TMEM131L: variants seen among roughly 807,000 people sequenced by gnomAD.
The protein encoded by TMEM131L is transmembrane 131 like.
A neutral mutation model predicts 192.2 loss-of-function variants in TMEM131L; 54 were observed. The observed-to-expected ratio is 0.28, with a 90% CI of 0.23 to 0.35. The LOEUF (loss-of-function observed/expected upper bound fraction) is 0.35, where lower values mean the gene tolerates loss of function less well. Ranked by LOEUF, TMEM131L falls within the 10% of genes least tolerant of loss-of-function variation. The probability of loss-of-function intolerance (pLI) is 1.00; values close to 1 mark genes in which losing one functional copy is unlikely to be tolerated. For missense variants in TMEM131L, 1,888 were observed against 1,972.9 expected (o/e 0.96, Z 0.82); for synonymous variants, 701 against 704.9 (o/e 0.99, Z 0.09).
At chr4:153,615,656 G>T (rs530383252) in intron 26 of TMEM131L, among the ~76,000 whole-genome samples, 74 of 152,312 alleles carry the variant, frequency 4.9e-4, no homozygotes, top group African/African-American at 1.8e-3. Flanking sequence ...ACATCCTTTT[G>T]ATATGGGCTT....
chr4:153,525,324 A>G (rs1193471821), intron 3 of TMEM131L, among the ~76,000 whole-genome samples: 2 of 152,170 alleles, frequency 1.3e-5, no homozygotes, highest in African/African-American at 4.8e-5. Flanking sequence ...CAGCCTCATA[A>G]GTAAATCCTT....
chr4:153,466,720 C>T (rs1439249209), intron 1 of TMEM131L, among the ~76,000 whole-genome samples, 199 bp downstream of exon 1: 1 of 152,180 alleles, frequency 6.6e-6, no homozygotes, highest in East Asian at 1.9e-4. Context: ...CCCCGTACAG[C>T]TGGAGAGCGG....
At chr4:153,600,499 A>G (rs550801769) in intron 21 of TMEM131L, among the ~76,000 whole-genome samples, 8 of 152,360 alleles carry the variant, frequency 5.3e-5, no homozygotes, top group African/African-American at 1.9e-4. Context: ...AAATACATTA[A>G]CATGTTGCAC....
intron 7 of TMEM131L, among the ~76,000 whole-genome samples, chr4:153,579,211 A>T (rs1048014125): frequency 1.1e-4 from 17 of 151,734 alleles, no homozygotes; most frequent in Non-Finnish European, 2.1e-4. Context: ...AAATACACAA[A>T]TTAGCCATGT....
chr4:153,487,327 G>A (rs1732410424), intron 3 of TMEM131L, among the ~76,000 whole-genome samples: 1 of 152,144 alleles, frequency 6.6e-6, no homozygotes, highest in African/African-American at 2.4e-5. Context: ...GAATCCGTAC[G>A]TATTCTCTTC....
chr4:153,554,677 G>C (rs756402260), intron 4 of TMEM131L, among the ~76,000 whole-genome samples: 1 of 152,008 alleles, frequency 6.6e-6, no homozygotes, highest in South Asian at 2.1e-4. Context: ...TTATTTCTAG[G>C]CCATCCGAAT....
intron 7 of TMEM131L, among the ~76,000 whole-genome samples, chr4:153,576,074 C>T (rs1177801146): frequency 2.0e-5 from 3 of 152,108 alleles, no homozygotes; most frequent in Admixed American, 1.3e-4. Flanking sequence ...ATTCTCCTGC[C>T]TCAGCCTCCC....
chr4:153,632,871 T>C, intron 32 of TMEM131L, 33 bp downstream of exon 32: 1 of 1,613,446 alleles, frequency 6.2e-7, no homozygotes, highest in Non-Finnish European at 8.5e-7. Flanking sequence ...GGTGCCTTGC[T>C]TAGTCTAAGG....
intron 33 of TMEM131L, among the ~76,000 whole-genome samples, chr4:153,634,643 C>T (rs1734448909): frequency 6.6e-6 from 1 of 152,198 alleles, no homozygotes; most frequent in South Asian, 2.1e-4. Flanking sequence ...AGTCAAGTCC[C>T]ATGTGAAATA....
intron 7 of TMEM131L, among the ~76,000 whole-genome samples, chr4:153,572,876 T>G (rs1485724609): frequency 6.6e-6 from 1 of 152,196 alleles, no homozygotes; most frequent in Non-Finnish European, 1.5e-5. Flanking sequence ...GCCACCATTA[T>G]TCTCCCTGGC....
intron 7 of TMEM131L, among the ~76,000 whole-genome samples, chr4:153,563,907 C>T (rs948099718): frequency 7.9e-5 from 12 of 152,122 alleles, no homozygotes; most frequent in Non-Finnish European, 1.3e-4. Flanking sequence ...GAGTTGAATC[C>T]TCAATGCAAT....
intron 21 of TMEM131L, among the ~76,000 whole-genome samples, chr4:153,599,401 TC>T (rs1239427508): frequency 6.6e-6 from 1 of 152,028 alleles, no homozygotes; most frequent in Non-Finnish European, 1.5e-5. Flanking sequence ...AGGACGCAGA[TC>T]CAAACCATAT....
intron 8 of TMEM131L, 26 bp from the exon 9 acceptor site, chr4:153,581,381 T>G: frequency 1.3e-6 from 2 of 1,489,784 alleles, no homozygotes. Flanking sequence ...TTTTTTTTCC[T>G]TTTTTCCTCC....
At position 153,580,667 on chromosome 4, in the gene TMEM131L, A is replaced by G. The variant is rs1049397911; in HGVS notation, c.661-159A>G. Reference sequence around the variant, plus strand: ...TTCTCTGTTTAGCTTACTGTTGTGTATCCACTAAAAAGAATAATGCCCAGC... The same window carrying G: ...TTCTCTGTTTAGCTTACTGTTGTGTGTCCACTAAAAAGAATAATGCCCAGC... On this transcript the variant is annotated intron_variant, in intron 7 of 34. Coordinates refer to ENST00000409959, the MANE Select transcript of TMEM131L (RefSeq NM_001131007.2). Among the ~76,000 whole-genome samples the G allele has an allele frequency of 4.6e-5, 7 of 152,334 alleles. 1 individual carries two copies. The highest frequency in any genetic ancestry group is 4.6e-4 in the Admixed American group (7 of 15,304).
At chr4:153,537,410 G>C (rs1025443927) in intron 3 of TMEM131L, among the ~76,000 whole-genome samples, 1 of 152,154 alleles carries the variant, frequency 6.6e-6, no homozygotes, top group African/African-American at 2.4e-5. Context: ...GTAAACGAAT[G>C]AAAGAATGGC....
intron 3 of TMEM131L, among the ~76,000 whole-genome samples, chr4:153,541,334 C>A (rs1396414839): frequency 1.3e-5 from 2 of 152,066 alleles, no homozygotes; most frequent in African/African-American, 4.8e-5. Context: ...TTTTAAAATT[C>A]TTTGAATTGG....
chr4:153,478,274 G>C lies in TMEM131L; in HGVS notation c.239+4386G>C, dbSNP rs192734355. Among the ~76,000 whole-genome samples, 3 of 152,248 alleles carry C rather than the reference G, an allele frequency of 2.0e-5. No individual in the cohort carries two copies. In the East Asian group the frequency reaches 5.8e-4, roughly 29 times the overall value. On this transcript the variant is annotated intron_variant, in intron 3 of 34. Transcript: ENST00000409959. ...GAAGCTGTCTCCAAGAATTAGCTCT[G>C]TAAGTGTAATGTTCTGTGATTGGTA... is the stretch of plus-strand genomic sequence containing the variant.
chr4:153,568,792 C>T (rs945001195), intron 7 of TMEM131L, among the ~76,000 whole-genome samples: 2 of 152,246 alleles, frequency 1.3e-5, no homozygotes, highest in East Asian at 3.8e-4. Flanking sequence ...AATAACACCT[C>T]TCTTCCTGAC....
chr4:153,581,689 G>A (rs144382561), intron 9 of TMEM131L, 129 bp downstream of exon 9: 174 of 563,856 alleles, frequency 3.1e-4, no homozygotes, highest in African/African-American at 3.1e-3. Flanking sequence ...TTAAGTGATT[G>A]TAGTAGTAAC....
Sources: allele counts gnomAD v4.1 joint callset (sites outside exome capture counted in the v4.1 genomes callset), GRCh38; gene constraint gnomAD v4.1.1; transcripts MANE v1.5; gene names NCBI Gene and HGNC (gene_info 2026-07-23, HGNC 2026-07-21).